The following WDR43 variants were observed in gnomAD, a reference collection of about 807,000 sequenced individuals.
WDR43 encodes WD repeat-containing protein 43.
WDR43 carries 13 observed loss-of-function variants against 91.4 expected under a neutral mutation model. The observed-to-expected ratio is 0.14, with a 90% CI of 0.09 to 0.23. The LOEUF is 0.23. Ranked by LOEUF, WDR43 falls within the 10% of genes least tolerant of loss-of-function variation. WDR43 has a pLI of 1.00. For missense variants in WDR43, 780 were observed against 809.4 expected (o/e 0.96, Z 0.44); for synonymous variants, 331 against 287.9 (o/e 1.15, Z -1.51).
In WDR43 at chr2:28,929,719, A is replaced by G. The variant is rs774707396; in HGVS notation, c.1437+9A>G. The G allele has an allele frequency of 6.2e-7, 1 of 1,607,188 alleles. No individual in the cohort carries two copies. Among genetic ancestry groups the G allele is most frequent in the South Asian group, 1.1e-5 (1 of 90,380 alleles). ...ATTTTGAAATGCTAAATGTAAGTAT[A>G]TAGCAATTTTTAACTAAATTAACAT... is the stretch of plus-strand genomic sequence containing the variant. On this transcript the variant is annotated intron_variant, in intron 11 of 17. Transcript: ENST00000407426.
Position 28,912,947 on chromosome 2 carries a change from ATTTTTTTTT to A in WDR43, c.606+252_606+260del, listed in dbSNP as rs35646381. On this transcript the variant is annotated intron_variant, in intron 4 of 17. Transcript: ENST00000407426. ...ACAGAACCAATATTCAAGAAACAAG[ATTTTTTTTT>A]TTTTTTTTTTTTTTGAGATGGAGTC... is the stretch of plus-strand genomic sequence containing the variant. 3.0e-5 allele frequency among the ~76,000 whole-genome samples: 3 copies of A among 100,968 alleles called. No individual in the cohort carries two copies. The East Asian group carries it at 9.6e-4, about 32-fold the overall frequency. 66.2% of individuals were successfully genotyped at this position (100,968 alleles called of 152,430 possible). A position where few individuals can be genotyped will look rare whatever the true frequency, so the allele number is the denominator to read the frequency against.
chr2:28,917,677 G>A lies in WDR43; in HGVS notation c.747-216G>A, dbSNP rs766317666. ...CTCATTGTTTAAATCTGCCACAAATGCATTATTGCTTTCTCTTTTCTCAAG... is the reference window on the plus strand; with the variant it reads ...CTCATTGTTTAAATCTGCCACAAATACATTATTGCTTTCTCTTTTCTCAAG... On this transcript the variant is annotated intron_variant, in intron 5 of 17. Transcript: ENST00000407426. Among the ~76,000 whole-genome samples, 90 of 152,274 alleles carry A rather than the reference G, an allele frequency of 5.9e-4. 1 individual carries two copies. Among genetic ancestry groups the A allele is most frequent in the South Asian group, 5.0e-3 (24 of 4,828 alleles).
chr2:28,941,495 A>C lies in WDR43; in HGVS notation c.1655A>C (p.Tyr552Ser). The C allele has an allele frequency of 6.2e-7, 1 of 1,613,616 alleles. No individual in the cohort carries two copies. The highest frequency in any genetic ancestry group is 1.1e-5 in the South Asian group (1 of 90,964). Residue 552 changes from tyrosine (Y) to serine (S), a missense_variant, in exon 15 of 18, where the codon TAC becomes TCC. By Grantham distance (144) the Tyr-to-Ser change is moderately radical (BLOSUM62 -2). This residue lies in a region of WDR43 where 426 missense variants were observed against 467.8 expected (regional missense o/e 0.91). Transcript: ENST00000407426. Reference protein sequence around the residue: ...PDLVPQLGTLYQLMESRVKTF... With the variant: ...PDLVPQLGTLSQLMESRVKTF... ...CTGGTACCCCAGCTGGGGACACTCT[A>C]CCAGTTAATGGAAAGCAGAGTCAAA...
At chr2:28,925,988 C>G (rs960028550) in intron 8 of WDR43, among the ~76,000 whole-genome samples, 4 of 152,110 alleles carry the variant, frequency 2.6e-5, no homozygotes, top group Non-Finnish European at 5.9e-5. Context: ...CTGACTCCCC[C>G]GATCCTATTT....
At position 28,912,845 on chromosome 2, in the gene WDR43, A is replaced by G. The variant is rs1055175506; in HGVS notation, c.606+135A>G. ...AGGTACATCAAATAGTTTAGTGGAT[A>G]AAAGTTAGCCTCCTAATCTGATTTG... On this transcript the variant is annotated intron_variant, in intron 4 of 17. Transcript: ENST00000407426. 2.5e-6 allele frequency: 3 copies of G among 1,223,758 alleles called. No individual in the cohort carries two copies. The African/African-American group carries it at 4.6e-5, about 19-fold the overall frequency. The allele number at this position is 1,223,758 out of a possible 1,614,324, so 75.8% of individuals were successfully genotyped here.
chr2:28,930,108 CT>C (rs1671212999), intron 11 of WDR43: 1 of 471,386 alleles, frequency 2.1e-6, no homozygotes, highest in Non-Finnish European at 4.4e-6. Context: ...TTATTTCCCC[CT>C]GGCCGTGAGA....
intron 6 of WDR43, among the ~76,000 whole-genome samples, chr2:28,920,224 C>CTTTTTTTTTT (rs751048652): frequency 4.6e-5 from 5 of 108,072 alleles, no homozygotes; most frequent in Non-Finnish European, 7.1e-5. Context: ...TTTTTTCTTT[C>CTTTTTTTTTT]TTTTTTTTTT....
chr2:28,906,639 TGGG>T, intron 3 of WDR43, 58 bp downstream of exon 3: 2 of 1,568,596 alleles, frequency 1.3e-6, no homozygotes, highest in Non-Finnish European at 1.7e-6. Context: ...GCTGGACTTG[TGGG>T]GAATGCAGAC....
At chr2:28,944,273 A>G (rs2148201842) in intron 16 of WDR43, among the ~76,000 whole-genome samples, 1 of 74,424 alleles carries the variant, frequency 1.3e-5, no homozygotes, top group South Asian at 5.9e-4. Context: ...AGAGCACAGA[A>G]ATACTGTTTT....
intron 4 of WDR43, 109 bp downstream of exon 4, chr2:28,912,819 C>T (rs1475230223): frequency 2.9e-6 from 4 of 1,400,928 alleles, no homozygotes; most frequent in Non-Finnish European, 3.8e-6. Context: ...TCTTCATTGT[C>T]AGGTACATCA....
intron 11 of WDR43, among the ~76,000 whole-genome samples, chr2:28,934,969 G>A (rs935449743): frequency 1.3e-5 from 2 of 152,100 alleles, no homozygotes; most frequent in African/African-American, 2.4e-5. Context: ...GGGCAGGACC[G>A]GAACTGATCT....
At chr2:28,924,867 A>T in intron 7 of WDR43, 115 bp from the exon 8 acceptor site, 1 of 1,240,740 alleles carries the variant, frequency 8.1e-7, no homozygotes, top group Non-Finnish European at 1.1e-6. Context: ...GTGACTCCTG[A>T]TGGCAGTATA....
chr2:28,926,310 C>T (rs1371770361), intron 8 of WDR43, among the ~76,000 whole-genome samples, 158 bp from the exon 9 acceptor site: 1 of 152,108 alleles, frequency 6.6e-6, no homozygotes, highest in East Asian at 1.9e-4. Context: ...TCGTGGTTAA[C>T]AATTGAGTGT....
At chr2:28,911,733 G>A (rs1670805193) in intron 3 of WDR43, among the ~76,000 whole-genome samples, 2 of 152,028 alleles carry the variant, frequency 1.3e-5, no homozygotes, top group East Asian at 3.9e-4. Context: ...CTGGGCTCAA[G>A]CGATCCTACC....
intron 11 of WDR43, among the ~76,000 whole-genome samples, chr2:28,935,075 T>C (rs995147940): frequency 6.6e-6 from 1 of 152,196 alleles, no homozygotes; most frequent in African/African-American, 2.4e-5. Context: ...TTATGTCATC[T>C]TTTGATTGGC....
chr2:28,899,731 A>G (rs1670545166), intron 1 of WDR43, among the ~76,000 whole-genome samples: 1 of 152,204 alleles, frequency 6.6e-6, no homozygotes, highest in South Asian at 2.1e-4. Flanking sequence ...TACTTGGAGT[A>G]TCAGTTTTCA....
At chr2:28,942,634 T>TG (rs1671462389) in intron 16 of WDR43, among the ~76,000 whole-genome samples, 1 of 145,092 alleles carries the variant, frequency 6.9e-6, no homozygotes, top group Non-Finnish European at 1.5e-5. Flanking sequence ...TTTTTTTTTT[T>TG]AAGACAGTCT....
At chr2:28,932,180 TATTG>T (rs1478058183) in intron 11 of WDR43, among the ~76,000 whole-genome samples, 22 of 152,164 alleles carry the variant, frequency 1.4e-4, no homozygotes, top group African/African-American at 4.6e-4. Flanking sequence ...ATTTTTATTC[TATTG>T]ATTGATTGAT....
At position 28,914,212 on chromosome 2, in the gene WDR43, T is replaced by G. The variant is rs780659412; in HGVS notation, c.746+4T>G. On this transcript the variant is annotated splice_donor_region_variant and intron_variant, in intron 5 of 17. Coordinates refer to ENST00000407426, the MANE Select transcript of WDR43 (RefSeq NM_015131.3). ...ATGACCGGTTACTTAATGTCTGGTA[T>G]GTAGTTCTTTTGGATTTGGGAGGTA... is the stretch of plus-strand genomic sequence containing the variant. The G allele has an allele frequency of 1.1e-5, 18 of 1,607,464 alleles. No homozygotes were observed. The highest frequency in any genetic ancestry group is 1.7e-5 in the Admixed American group (1 of 58,834).
Sources: gnomAD v4.1 joint callset for allele counts (sites outside exome capture counted in the v4.1 genomes callset) on GRCh38, gnomAD v4.1.1 for gene constraint, gnomAD v4.1.1 regional missense constraint, MANE v1.5 for transcripts, NCBI Gene and HGNC (gene_info 2026-07-23, HGNC 2026-07-21) for gene names.